Variants in TTC23 observed in about 807,000 individuals in gnomAD.
TTC23 encodes the protein tetratricopeptide repeat protein 23.
A neutral mutation model predicts 55.1 loss-of-function variants in TTC23; 58 were observed. The ratio of observed to expected loss-of-function variants is 1.05; its 90% CI spans 0.85 to 1.31. The LOEUF is 1.31. TTC23 is among the 50% of genes most tolerant of loss of function. The pLI is 0.00. For missense variants in TTC23, 516 were observed against 534.4 expected, an observed-to-expected ratio of 0.97 and a Z score of 0.34; for synonymous variants, 203 against 199.9, an observed-to-expected ratio of 1.02 and a Z score of -0.13.
intron 9 of TTC23, among the ~76,000 whole-genome samples, chr15:99,192,606 C>T (rs2075336682): frequency 6.6e-6 from 1 of 152,172 alleles, no homozygotes; most frequent in South Asian, 2.1e-4. Context: ...TATGGAAATG[C>T]CTGGATGCCC....
At chr15:99,197,529 T>C (rs2075846367) in intron 9 of TTC23, among the ~76,000 whole-genome samples, 2 of 152,182 alleles carry the variant, frequency 1.3e-5, no homozygotes, top group Non-Finnish European at 2.9e-5. Flanking sequence ...TAGCACTATG[T>C]ATCAGGCACT....
intron 8 of TTC23, among the ~76,000 whole-genome samples, chr15:99,209,932 T>C (rs2152022014): frequency 6.6e-6 from 1 of 152,202 alleles, no homozygotes; most frequent in African/African-American, 2.4e-5. Context: ...GTATTAGTTG[T>C]ATTAATTTGA....
intron 10 of TTC23, among the ~76,000 whole-genome samples, chr15:99,167,985 G>C (rs533546585): frequency 1.9e-4 from 29 of 152,338 alleles, no homozygotes; most frequent in Non-Finnish European, 2.5e-4. Context: ...CTTAGACCCT[G>C]CTGGGGGCTG....
At chr15:99,158,209 C>T (rs2070874630) in intron 11 of TTC23, 1 of 152,120 alleles carries the variant, frequency 6.6e-6, no homozygotes, top group African/African-American at 2.4e-5. Flanking sequence ...TCTAGACTTG[C>T]CTGAGGGTAA....
At chr15:99,241,660 AAAT>A (rs1370094062) in intron 2 of TTC23, 101 bp from the exon 3 acceptor site, 2 of 152,328 alleles carry the variant, frequency 1.3e-5, no homozygotes, top group African/African-American at 4.8e-5. Context: ...GTGATGTTCA[AAAT>A]AATAACTGAA....
rs768358654 is a variant in TTC23 at position 99,218,655 on chromosome 15, G to A, written c.514C>T (p.Gln172Ter). The change falls in exon 8 of 14, where the codon CAA becomes TAA. Residue 172 changes from glutamine to a stop codon, truncating the protein, a stop_gained. Transcript: ENST00000394132. LOFTEE classifies it high-confidence loss of function. Reference sequence around the variant, plus strand: ...TCTTCCTTTATAATTCTTCCACATTGTAGCAGCTCCTTTGAAAGTCTCTCT... The same window carrying A: ...TCTTCCTTTATAATTCTTCCACATTATAGCAGCTCCTTTGAAAGTCTCTCT... Reference protein sequence around the residue: ...KAERLSKELLQCGRIIKEEWI... With the variant: ...KAERLSKELL 2 of 1,614,082 alleles carry A rather than the reference G, an allele frequency of 1.2e-6. No individual in the cohort carries two copies. Among genetic ancestry groups the A allele is most frequent in the African/African-American group, 1.3e-5 (1 of 75,022 alleles).
chr15:99,245,714 A>G, intron 1 of TTC23, among the ~76,000 whole-genome samples: 1 of 152,154 alleles, frequency 6.6e-6, no homozygotes, highest in East Asian at 1.9e-4. Flanking sequence ...TTGGATCTCT[A>G]CACCTCACAC....
intron 2 of TTC23, among the ~76,000 whole-genome samples, chr15:99,244,625 C>G (rs554242656): frequency 3.9e-5 from 6 of 151,972 alleles, no homozygotes; most frequent in South Asian, 2.1e-4. Flanking sequence ...CATACATTAT[C>G]GAAAGAAATT....
intron 4 of TTC23, among the ~76,000 whole-genome samples, chr15:99,234,639 T>C (rs947392182): frequency 2.0e-5 from 3 of 152,196 alleles, no homozygotes; most frequent in African/African-American, 7.2e-5. Context: ...CCCAAAGTGC[T>C]GGGATTACAG....
chr15:99,164,896 C>T (rs1596345464), intron 10 of TTC23, among the ~76,000 whole-genome samples: 1 of 152,162 alleles, frequency 6.6e-6, no homozygotes, highest in African/African-American at 2.4e-5. Flanking sequence ...GGAAAGAGAG[C>T]AGGCTCTGGG....
rs1285514169 is a variant in TTC23 at position 99,156,135 on chromosome 15, G to T, written c.1143+13C>A. The T allele has an allele frequency of 6.2e-7, 1 of 1,614,152 alleles. No individual in the cohort carries two copies. Among genetic ancestry groups the T allele is most frequent in the Non-Finnish European group, 8.5e-7 (1 of 1,180,026 alleles). ...AGAGCCTAGTCTCGTGTTAGTACTG[G>T]TTCCAGCTTTACCTTCTTCAGTTTC... On this transcript the variant is annotated intron_variant, in intron 12 of 13. Transcript: ENST00000394132.
At chr15:99,191,914 G>A (rs1047514030) in intron 9 of TTC23, among the ~76,000 whole-genome samples, 2 of 152,208 alleles carry the variant, frequency 1.3e-5, no homozygotes, top group East Asian at 3.8e-4. Context: ...TAGTGATATG[G>A]ACAATACAGT....
chr15:99,204,894 C>G (rs530897191), intron 8 of TTC23, among the ~76,000 whole-genome samples: 2 of 152,198 alleles, frequency 1.3e-5, no homozygotes, highest in South Asian at 2.1e-4. Context: ...CCTTGGCCTC[C>G]CAAAGTGCTG....
intron 6 of TTC23, among the ~76,000 whole-genome samples, chr15:99,221,511 CA>C (rs754247355): frequency 7.9e-5 from 12 of 151,904 alleles, no homozygotes; most frequent in Non-Finnish European, 1.8e-4. Flanking sequence ...ATCATAAAAA[CA>C]AAAACAAAAA....
At chr15:99,154,513 A>G (rs1270290035) in intron 12 of TTC23, among the ~76,000 whole-genome samples, 1 of 151,980 alleles carries the variant, frequency 6.6e-6, no homozygotes, top group Non-Finnish European at 1.5e-5. Flanking sequence ...TCTCTCTCTC[A>G]TTTCCTTTTG....
intron 12 of TTC23, among the ~76,000 whole-genome samples, chr15:99,147,429 G>T (rs28594914): frequency 0.16 from 23,840 of 151,456 alleles, 2,752 homozygotes; most frequent in African/African-American, 0.33. Context: ...GTTTCACTTT[G>T]TTAGCCAGGA....
At chr15:99,195,808 G>T (rs1215070702) in intron 9 of TTC23, among the ~76,000 whole-genome samples, 2 of 151,602 alleles carry the variant, frequency 1.3e-5, no homozygotes, top group Non-Finnish European at 2.9e-5. Context: ...ATGCATGGTG[G>T]GGGGCAGGGG....
intron 8 of TTC23, among the ~76,000 whole-genome samples, chr15:99,205,470 T>C (rs1457964902): frequency 6.6e-6 from 1 of 152,194 alleles, no homozygotes; most frequent in Non-Finnish European, 1.5e-5. Context: ...CTGTCATCAA[T>C]GTTTTATAGT....
chr15:99,155,227 A>C (rs1330648475), intron 12 of TTC23: 6 of 152,226 alleles, frequency 3.9e-5, no homozygotes. Flanking sequence ...AATGGTTAGA[A>C]TTAAACTTAA....
Sources: allele counts gnomAD v4.1 joint callset (sites outside exome capture counted in the v4.1 genomes callset), GRCh38; gene constraint gnomAD v4.1.1; transcripts MANE v1.5; gene names NCBI Gene and HGNC (gene_info 2026-07-23, HGNC 2026-07-21).